Variants in PLPPR1 observed in about 807,000 individuals in gnomAD.
PLPPR1 encodes phospholipid phosphatase-related protein type 1.
A neutral mutation model predicts 33.1 loss-of-function variants in PLPPR1; 10 were observed. That is an observed-to-expected ratio of 0.30 (90% CI 0.19 to 0.51). The LOEUF (loss-of-function observed/expected upper bound fraction) is 0.51. PLPPR1 is among the 20% of genes least tolerant of loss of function. The probability of loss-of-function intolerance (pLI) is 0.97; values close to 1 mark genes in which losing one functional copy is unlikely to be tolerated. For synonymous variants in PLPPR1, 151 were observed against 151.0 expected (o/e 1.00, Z 0.00); for missense variants, 304 against 408.1 (o/e 0.74, Z 2.20).
intron 7 of PLPPR1, among the ~76,000 whole-genome samples, chr9:101,321,752 A>G (rs936102455): frequency 4.0e-5 from 6 of 148,224 alleles, no homozygotes; most frequent in African/African-American, 1.2e-4. Flanking sequence ...TATATAAAAT[A>G]TATATTAAAT....
chr9:101,035,468 C>T (rs555392757), intron 1 of PLPPR1, among the ~76,000 whole-genome samples: 52 of 152,180 alleles, frequency 3.4e-4, no homozygotes, highest in Non-Finnish European at 5.9e-4. Context: ...TTCTTTTTAC[C>T]TTCAGGCCTT....
intron 3 of PLPPR1, among the ~76,000 whole-genome samples, chr9:101,277,016 T>C (rs1319980840): frequency 6.6e-6 from 1 of 152,186 alleles, no homozygotes; most frequent in East Asian, 1.9e-4. Context: ...GGGTTATCAA[T>C]GTGACAGCAC....
chr9:101,084,012 T>C (rs545954752), intron 1 of PLPPR1, among the ~76,000 whole-genome samples: 1 of 152,250 alleles, frequency 6.6e-6, no homozygotes, highest in East Asian at 1.9e-4. Context: ...TTGGCCTGAG[T>C]GGCTGGGTTT....
chr9:101,197,527 G>A (rs1395505604), intron 2 of PLPPR1, among the ~76,000 whole-genome samples: 1 of 152,092 alleles, frequency 6.6e-6, no homozygotes, highest in African/African-American at 2.4e-5. Context: ...TGTTGGTCAT[G>A]GCAATAGATA....
intron 1 of PLPPR1, among the ~76,000 whole-genome samples, chr9:101,138,909 A>C (rs927715743): frequency 1.3e-5 from 2 of 152,154 alleles, no homozygotes; most frequent in Non-Finnish European, 2.9e-5. Context: ...TTGACTCTTC[A>C]TGAAATGTGA....
At chr9:101,235,922 A>T (rs1489100067) in intron 2 of PLPPR1, among the ~76,000 whole-genome samples, 1 of 151,822 alleles carries the variant, frequency 6.6e-6, no homozygotes, top group Non-Finnish European at 1.5e-5. Context: ...AATTTTAAAG[A>T]TGTCAGCAGA....
intron 2 of PLPPR1, among the ~76,000 whole-genome samples, chr9:101,195,726 C>G (rs1826382047): frequency 6.6e-6 from 1 of 152,300 alleles, no homozygotes; most frequent in African/African-American, 2.4e-5. Flanking sequence ...CTGCCACCTG[C>G]TTTGTGTTGT....
chr9:101,240,433 G>A (rs1249536448), intron 2 of PLPPR1, among the ~76,000 whole-genome samples: 1 of 149,572 alleles, frequency 6.7e-6, no homozygotes, highest in Non-Finnish European at 1.5e-5. Flanking sequence ...TTTCTCTGAA[G>A]AATATCATTG....
At chr9:101,031,804 A>G (rs1364353765) in intron 1 of PLPPR1, among the ~76,000 whole-genome samples, 4 of 152,168 alleles carry the variant, frequency 2.6e-5, no homozygotes, top group African/African-American at 7.2e-5. Context: ...GGCAGAGGAA[A>G]TACTTGAGAG....
chr9:101,311,373 A>T (rs993572053), intron 5 of PLPPR1, among the ~76,000 whole-genome samples: 4 of 152,216 alleles, frequency 2.6e-5, no homozygotes, highest in African/African-American at 9.6e-5. Context: ...CTGAGCCGCT[A>T]TTACATGTCA....
chr9:101,294,663 A>C (rs1260431675), intron 4 of PLPPR1, among the ~76,000 whole-genome samples: 1 of 152,190 alleles, frequency 6.6e-6, no homozygotes, highest in East Asian at 1.9e-4. Flanking sequence ...CAAATCAATA[A>C]ATGTAATCTA....
At chr9:101,098,001 T>C (rs3021454) in intron 1 of PLPPR1, among the ~76,000 whole-genome samples, 106,689 of 151,974 alleles carry the variant, frequency 0.7, 37,603 homozygotes, top group East Asian at 0.89. Flanking sequence ...CCTTGTGGCC[T>C]ATAACACTGA....
chr9:101,050,774 G>T (rs1490884159), intron 1 of PLPPR1, among the ~76,000 whole-genome samples: 1 of 152,152 alleles, frequency 6.6e-6, no homozygotes, highest in Non-Finnish European at 1.5e-5. Flanking sequence ...AGCATTGATT[G>T]ATCCTAGACA....
intron 1 of PLPPR1, among the ~76,000 whole-genome samples, chr9:101,176,720 G>C (rs747991298): frequency 1.3e-5 from 2 of 152,164 alleles, no homozygotes; most frequent in Non-Finnish European, 2.9e-5. Flanking sequence ...GTGACATTCC[G>C]CCTCTACCCA....
In PLPPR1 at chr9:101,317,488, A is replaced by C; in HGVS notation, c.937A>C (p.Ser313Arg). The C allele has an allele frequency of 1.9e-6, 3 of 1,613,756 alleles. No homozygotes were observed. Among genetic ancestry groups the C allele is most frequent in the Non-Finnish European group, 2.5e-6 (3 of 1,179,908 alleles). ...PRIESPLETL[S>R]AQNHSASMTE... is the part of the protein sequence containing the mutation. The stretch of plus-strand genomic sequence containing the variant: ...GATAGAAAGCCCTCTGGAAACCTTA[A>C]GTGCACAGGTATGGTAAAGCAGTTT... Residue 313 changes from serine (S) to arginine (R), a missense_variant, in exon 7 of 8, where the codon AGT becomes CGT. Ser to Arg is a moderately radical substitution (Grantham distance 110). Transcript: ENST00000374874.
chr9:101,289,022 G>A (rs1326494398), intron 4 of PLPPR1, among the ~76,000 whole-genome samples: 1 of 152,214 alleles, frequency 6.6e-6, no homozygotes, highest in South Asian at 2.1e-4. Flanking sequence ...CACAATCTGA[G>A]GTCCTCACAT....
chr9:101,081,243 T>A (rs898507299), intron 1 of PLPPR1, among the ~76,000 whole-genome samples: 4 of 152,028 alleles, frequency 2.6e-5, no homozygotes, highest in Non-Finnish European at 5.9e-5. Context: ...TGAGACAGAG[T>A]CTCGCTCTGT....
intron 4 of PLPPR1, among the ~76,000 whole-genome samples, chr9:101,298,692 G>A (rs1049456416): frequency 4.6e-5 from 7 of 152,042 alleles, no homozygotes; most frequent in African/African-American, 1.7e-4. Flanking sequence ...CTAGATGCTA[G>A]GTACAGATTA....
At chr9:101,297,131 AATAATTTTTGGCTTTCTAATGTTCC>A (rs1828660941) in intron 4 of PLPPR1, among the ~76,000 whole-genome samples, 2 of 152,202 alleles carry the variant, frequency 1.3e-5, no homozygotes, top group Non-Finnish European at 2.9e-5. Flanking sequence ...AAATTGGGCA[AATAATTTTTGGCTTTCTAATGTTCC>A]ATAATTTTAA....
Sources: gnomAD v4.1 joint callset for allele counts (sites outside exome capture counted in the v4.1 genomes callset) on GRCh38, gnomAD v4.1.1 for gene constraint, MANE v1.5 for transcripts, NCBI Gene and HGNC (gene_info 2026-07-23, HGNC 2026-07-21) for gene names.